Variants in RAB6B observed in about 807,000 individuals in gnomAD.
RAB6B encodes the protein ras-related protein Rab-6B.
A neutral mutation model predicts 31.2 loss-of-function variants in RAB6B; 7 were observed. The ratio of observed to expected loss-of-function variants is 0.22; its 90% CI spans 0.13 to 0.42. RAB6B has a LOEUF of 0.42. Ranked by LOEUF, RAB6B falls within the 10% of genes least tolerant of loss-of-function variation. The pLI is 1.00. For synonymous variants in RAB6B, 105 were observed against 104.9 expected, an observed-to-expected ratio of 1.00 and a Z score of -0.01; for missense variants, 149 against 280.6, an observed-to-expected ratio of 0.53 and a Z score of 3.35.
intron 1 of RAB6B, among the ~76,000 whole-genome samples, chr3:133,891,086 C>T (rs986288071): frequency 6.6e-6 from 1 of 152,144 alleles, no homozygotes; most frequent in African/African-American, 2.4e-5. Context: ...TGATGAAGGG[C>T]TCCCTGCAGG....
rs5852771 is a variant in RAB6B at position 133,889,388 on chromosome 3, TTATATATATATATATATA to T, written c.70+5991_70+6008del. ...ACAAAAGGACAATAAGGTTATTTTGTTATATATATATATATATATATATATATATATATATATATATAT... is the reference window on the plus strand; with the variant it reads ...ACAAAAGGACAATAAGGTTATTTTGTTATATATATATATATATATATATAT... On this transcript the variant is annotated intron_variant, in intron 1 of 7. Transcript: ENST00000285208. Among the ~76,000 whole-genome samples, 213 of 80,246 alleles carry T rather than the reference TTATATATATATATATATA, an allele frequency of 2.7e-3. 3 individuals are homozygous for T. The highest frequency in any genetic ancestry group is 4.9e-3 in the East Asian group (11 of 2,242). 52.6% of individuals were successfully genotyped at this position (80,246 alleles called of 152,430 possible). A position where few individuals can be genotyped will look rare whatever the true frequency, so the allele number is the denominator to read the frequency against.
intron 2 of RAB6B, 23 bp from the exon 3 acceptor site, chr3:133,841,686 G>A (rs1051729682): frequency 1.1e-5 from 17 of 1,612,838 alleles, no homozygotes; most frequent in East Asian, 6.7e-5. Flanking sequence ...AGCACAGAAC[G>A]GTCAAAATCA....
At chr3:133,858,939 A>G (rs1489627056) in intron 2 of RAB6B, among the ~76,000 whole-genome samples, 1 of 152,128 alleles carries the variant, frequency 6.6e-6, no homozygotes, top group Non-Finnish European at 1.5e-5. Flanking sequence ...CCTACTTTAG[A>G]GGTAGGAATG....
chr3:133,867,385 C>T (rs1385135249), intron 1 of RAB6B, among the ~76,000 whole-genome samples: 1 of 152,136 alleles, frequency 6.6e-6, no homozygotes, highest in East Asian at 1.9e-4. Flanking sequence ...TGGCACCTGC[C>T]CACTGAAGCT....
At chr3:133,851,226 A>G (rs897045451) in intron 2 of RAB6B, among the ~76,000 whole-genome samples, 1 of 152,236 alleles carries the variant, frequency 6.6e-6, no homozygotes, top group Non-Finnish European at 1.5e-5. Context: ...AGAAATTGTG[A>G]GCATCAGAAA....
At position 133,854,663 on chromosome 3, in the gene RAB6B, A is replaced by G. The variant is rs533551486; in HGVS notation, c.129+9921T>C. On this transcript the variant is annotated intron_variant, in intron 2 of 7. Transcript: ENST00000285208. ...ACAAAATGTGAGGAATCTTATGAGC[A>G]TGGATTTCATAGCTGAATCCACATT... Among the ~76,000 whole-genome samples the G allele has an allele frequency of 3.5e-4, 53 of 152,326 alleles. No individual in the cohort carries two copies. In the South Asian group the frequency reaches 0.011, roughly 32 times the overall value.
intron 2 of RAB6B, among the ~76,000 whole-genome samples, chr3:133,853,434 G>A (rs978092476): frequency 2.6e-5 from 4 of 151,536 alleles, no homozygotes; most frequent in Admixed American, 2.0e-4. Flanking sequence ...TGAAGAGGAC[G>A]CTCCACAGGC....
chr3:133,836,718 A>G (rs1027444862), intron 6 of RAB6B, among the ~76,000 whole-genome samples: 1 of 152,026 alleles, frequency 6.6e-6, no homozygotes, highest in Non-Finnish European at 1.5e-5. Context: ...TCTCTCCTGC[A>G]TGCCCCCAGG....
intron 3 of RAB6B, 64 bp from the exon 4 acceptor site, chr3:133,841,454 C>T (rs989245101): frequency 1.3e-5 from 21 of 1,576,272 alleles, no homozygotes; most frequent in Admixed American, 3.4e-5. Flanking sequence ...CCTCCTGGTC[C>T]GGGGGACTGG....
intron 1 of RAB6B, among the ~76,000 whole-genome samples, chr3:133,866,734 G>A (rs1936242014): frequency 6.6e-6 from 1 of 152,258 alleles, no homozygotes; most frequent in African/African-American, 2.4e-5. Flanking sequence ...GCACCTGGCT[G>A]AGGACCACAG....
intron 7 of RAB6B, among the ~76,000 whole-genome samples, chr3:133,834,002 A>G (rs1935693843): frequency 6.6e-6 from 1 of 152,230 alleles, no homozygotes; most frequent in Non-Finnish European, 1.5e-5. Context: ...TGGGCAAACC[A>G]GACTACCTCT....
chr3:133,830,708 G>A (rs1482004996), intron 7 of RAB6B, among the ~76,000 whole-genome samples: 6 of 152,178 alleles, frequency 3.9e-5, no homozygotes, highest in Admixed American at 1.3e-4. Context: ...AAGCTGAGGT[G>A]CCCAGGTACA....
chr3:133,846,284 T>C (rs1935907425), intron 2 of RAB6B, among the ~76,000 whole-genome samples: 1 of 152,062 alleles, frequency 6.6e-6, no homozygotes, highest in Admixed American at 6.5e-5. Flanking sequence ...CCATCTCTAC[T>C]AAAAATACAA....
intron 1 of RAB6B, among the ~76,000 whole-genome samples, chr3:133,867,669 C>T (rs1372474863): frequency 6.6e-6 from 1 of 152,172 alleles, no homozygotes; most frequent in Non-Finnish European, 1.5e-5. Flanking sequence ...AATTGGGGGC[C>T]TTTCCCCACT....
intron 1 of RAB6B, among the ~76,000 whole-genome samples, chr3:133,879,640 C>T (rs1936440070): frequency 6.6e-6 from 1 of 152,208 alleles, no homozygotes; most frequent in Admixed American, 6.5e-5. Context: ...TGAGGACCGA[C>T]AGTCAAGGGC....
intron 1 of RAB6B, among the ~76,000 whole-genome samples, chr3:133,892,509 T>G (rs933432250): frequency 3.3e-5 from 5 of 152,104 alleles, no homozygotes; most frequent in African/African-American, 1.2e-4. Context: ...CAGGGTGTGC[T>G]CCACACCCTG....
rs898089358 is a variant in RAB6B at position 133,824,627 on chromosome 3, TCAAA to T, written c.*4157_*4160del. 1 of 152,204 alleles carries T rather than the reference TCAAA, an allele frequency of 6.6e-6. No homozygotes were observed. Among genetic ancestry groups the T allele is most frequent in the Non-Finnish European group, 1.5e-5 (1 of 68,044 alleles). The allele number at this position is 152,204 out of a possible 1,614,324, so 9.4% of individuals were successfully genotyped here. ...TTTTGGAACACCTAAATAGTTCATG[TCAAA>T]CAAAAATTCAAAGGGTGTCCTGATC... On this transcript the variant is annotated 3_prime_UTR_variant, in exon 8 of 8. Transcript: ENST00000285208.
intron 1 of RAB6B, among the ~76,000 whole-genome samples, chr3:133,868,832 G>A (rs1936278013): frequency 6.6e-6 from 1 of 152,206 alleles, no homozygotes; most frequent in African/African-American, 2.4e-5. Context: ...CAGCAGATGA[G>A]AATTTGGCAC....
intron 1 of RAB6B, among the ~76,000 whole-genome samples, chr3:133,876,435 G>C (rs187912157): frequency 6.6e-6 from 1 of 152,252 alleles, no homozygotes; most frequent in East Asian, 1.9e-4. Context: ...GCTCAAATCT[G>C]CTGTATAGAG....
Sources: gnomAD v4.1 joint callset for allele counts (sites outside exome capture counted in the v4.1 genomes callset) on GRCh38, gnomAD v4.1.1 for gene constraint, MANE v1.5 for transcripts, NCBI Gene and HGNC (gene_info 2026-07-23, HGNC 2026-07-21) for gene names.